The following EBF4 variants were observed in gnomAD, a reference collection of about 807,000 sequenced individuals.
EBF4 encodes the protein EBF transcription factor 4, also known as transcription factor COE4.
Under a neutral mutation model 67.1 loss-of-function variants are expected in EBF4, and 34 were observed. The observed-to-expected ratio is 0.51, with a 90% CI of 0.39 to 0.67. The LOEUF (loss-of-function observed/expected upper bound fraction) is 0.67, where lower values mean the gene tolerates loss of function less well. Among genes scored for constraint, EBF4 ranks in the 30% least tolerant of loss-of-function variants. EBF4 has a pLI of 0.00. For missense variants in EBF4, 837 were observed against 873.3 expected (o/e 0.96, Z 0.52); for synonymous variants, 387 against 377.7 (o/e 1.02, Z -0.29).
chr20:2,705,481 C>T, intron 1 of EBF4, 96 bp from the exon 2 acceptor site: 1 of 1,511,862 alleles, frequency 6.6e-7, no homozygotes, highest in South Asian at 1.2e-5. Context: ...CATCTTGGAG[C>T]CATGTCCTGG....
At chr20:2,717,620 C>G (rs994714781) in intron 6 of EBF4, among the ~76,000 whole-genome samples, 2 of 152,066 alleles carry the variant, frequency 1.3e-5, no homozygotes, top group African/African-American at 2.4e-5. Flanking sequence ...AGAAATGCAA[C>G]TATTTTTGCA....
chr20:2,699,009 T>C (rs1053587865), intron 1 of EBF4, among the ~76,000 whole-genome samples: 8 of 152,092 alleles, frequency 5.3e-5, no homozygotes, highest in African/African-American at 1.9e-4. Flanking sequence ...TGAAGAGCCG[T>C]GAGTGGCCTT....
chr20:2,750,332 A>C (rs1482547951), intron 10 of EBF4, among the ~76,000 whole-genome samples: 1 of 152,126 alleles, frequency 6.6e-6, no homozygotes, highest in Non-Finnish European at 1.5e-5. Context: ...TTTATTCCAA[A>C]GATGCCAATG....
At chr20:2,752,501 C>A in exon 14 of EBF4, 1 of 1,256,562 alleles carries the variant, frequency 8.0e-7, no homozygotes, top group South Asian at 3.2e-5. Flanking sequence ...GTGCCTGGGT[C>A]CCCCAGCTTC....
At chr20:2,701,345 C>T (rs113151487) in intron 1 of EBF4, among the ~76,000 whole-genome samples, 1 of 152,202 alleles carries the variant, frequency 6.6e-6, no homozygotes, top group African/African-American at 2.4e-5. Context: ...GGCCCAGAGA[C>T]CCCAGGGGAA....
rs1299181350 is a variant in EBF4, at chr20:2,747,327, AAAAC to A, written c.558-1220_558-1217del. Among the ~76,000 whole-genome samples the A allele has an allele frequency of 6.6e-6, 1 of 151,900 alleles. No homozygotes were observed. Among genetic ancestry groups the A allele is most frequent in the East Asian group, 1.9e-4 (1 of 5,190 alleles). On this transcript the variant is annotated intron_variant, in intron 6 of 16. Coordinates refer to ENST00000609451, the Ensembl canonical transcript of EBF4. This position sits in a 1 kb window ranked among gnomAD's most constrained non-coding sequence, Gnocchi z 4.6. The stretch of plus-strand genomic sequence containing the variant: ...AAAAAACAAAACAAACAAAAAAAAA[AAAAC>A]AGGAAAAAAAAGAGTACAACAGCCA...
rs756793562 is a variant in EBF4 at position 2,749,608 on chromosome 20, C to A, written c.758-12C>A. 53 of 1,552,732 alleles carry A rather than the reference C, an allele frequency of 3.4e-5. No homozygotes were observed. Among genetic ancestry groups the A allele is most frequent in the Non-Finnish European group, 4.4e-5 (51 of 1,148,614 alleles). On this transcript the variant is annotated splice_polypyrimidine_tract_variant and intron_variant, in intron 8 of 16. Coordinates refer to ENST00000609451, the Ensembl canonical transcript of EBF4. ...CGCGGTCCCCTGACCTGGGTCCTCTCCTGCCTCCCAGCTGCCACCCCCTGC... is the reference window on the plus strand; with the variant it reads ...CGCGGTCCCCTGACCTGGGTCCTCTACTGCCTCCCAGCTGCCACCCCCTGC...
chr20:2,755,926 G>T lies in EBF4; in HGVS notation c.1738+102G>T. On this transcript the variant is annotated intron_variant, in intron 15 of 16. Transcript: ENST00000609451. This position sits in a 1 kb window ranked among gnomAD's most constrained non-coding sequence, Gnocchi z 4.7. ...TGTCCACATCTCACCAGTGCCTCAT[G>T]CTGGCTAACCTGCTCTTCTTGGAGG... The T allele has an allele frequency of 8.4e-7, 1 of 1,187,408 alleles. No homozygotes were observed. Among genetic ancestry groups the T allele is most frequent in the South Asian group, 1.5e-5 (1 of 65,378 alleles). 73.6% of individuals were successfully genotyped at this position (1,187,408 alleles called of 1,614,324 possible). A position where few individuals can be genotyped will look rare whatever the true frequency, so the allele number is the denominator to read the frequency against.
Position 2,693,835 on chromosome 20 carries a change from C to G in EBF4, c.137+53C>G. On this transcript the variant is annotated intron_variant, in intron 1 of 16. Coordinates refer to ENST00000609451, the Ensembl canonical transcript of EBF4. The surrounding 1 kb of genome is among the most constrained non-coding windows in gnomAD (Gnocchi z 4.6). ...CTCGGGTTGGACGGCTGCGCGCCGC[C>G]TCAGCTCAGCTTGCTGGAGCTGCTG... is the stretch of plus-strand genomic sequence containing the variant. 8.0e-7 allele frequency: 1 copy of G among 1,257,158 alleles called. No individual in the cohort carries two copies. The highest frequency in any genetic ancestry group is 1.0e-6 in the Non-Finnish European group (1 of 1,000,482). The allele number at this position is 1,257,158 out of a possible 1,614,324, so 77.9% of individuals were successfully genotyped here.
chr20:2,716,252 C>G (rs1012960655), intron 6 of EBF4, among the ~76,000 whole-genome samples: 15 of 148,914 alleles, frequency 1.0e-4, no homozygotes, highest in African/African-American at 3.7e-4. Context: ...CCTTGCCAGG[C>G]GCAGTGGCTC....
chr20:2,719,422 C>T (rs2087650673), intron 6 of EBF4, among the ~76,000 whole-genome samples: 2 of 152,216 alleles, frequency 1.3e-5, no homozygotes, highest in African/African-American at 4.8e-5. Flanking sequence ...CTAAAGGTGC[C>T]CACCACCACG....
At chr20:2,727,552 A>G (rs1336039657) in intron 6 of EBF4, among the ~76,000 whole-genome samples, 3 of 152,266 alleles carry the variant, frequency 2.0e-5, no homozygotes, top group African/African-American at 7.2e-5. Context: ...GTACCCAGAC[A>G]GTTCAAACCT....
At position 2,730,994 on chromosome 20, in the gene EBF4, G is replaced by A. The variant is rs1249023189; in HGVS notation, c.558-17555G>A. ...GCTCACTGCAACCTCCACCTCCAGG[G>A]TTCAAGCAATTCTCCTGCCTCAGCC... On this transcript the variant is annotated intron_variant, in intron 6 of 16. Transcript: ENST00000609451. Among the ~76,000 whole-genome samples the A allele has an allele frequency of 2.0e-5, 3 of 152,280 alleles. No individual in the cohort carries two copies. In the East Asian group the frequency reaches 5.8e-4, roughly 29 times the overall value.
chr20:2,718,732 T>C (rs2087641912), intron 6 of EBF4, among the ~76,000 whole-genome samples: 1 of 152,222 alleles, frequency 6.6e-6, no homozygotes, highest in Non-Finnish European at 1.5e-5. Flanking sequence ...AACCAGCTTT[T>C]GGTTTCATTG....
rs531990019 is a variant in EBF4, at chr20:2,754,430, A to G, written c.1541-1197A>G. ...CAAAATGTGGCCGTGAGCCCTGGGCATTGAGAGCTATAGTACATTTTCTGG... is the reference window on the plus strand; with the variant it reads ...CAAAATGTGGCCGTGAGCCCTGGGCGTTGAGAGCTATAGTACATTTTCTGG... On this transcript the variant is annotated intron_variant, in intron 14 of 16. Transcript: ENST00000609451. Among the ~76,000 whole-genome samples the G allele has an allele frequency of 3.9e-5, 6 of 152,290 alleles. No individual in the cohort carries two copies. The South Asian group carries it at 1.2e-3, about 32-fold the overall frequency.
exon 9 of EBF4, chr20:2,749,708 C>A: frequency 6.4e-7 from 1 of 1,556,434 alleles, no homozygotes; most frequent in Non-Finnish European, 8.7e-7. Context: ...ACAACTTCTT[C>A]GACGGGTTGC....
intron 10 of EBF4, 62 bp downstream of exon 10, chr20:2,750,035 C>G: frequency 6.7e-7 from 1 of 1,492,334 alleles, no homozygotes; most frequent in South Asian, 1.3e-5. Flanking sequence ...ACCCTGCGCA[C>G]TGGTCTCCGT....
In EBF4 at chr20:2,706,100, C is replaced by G. The variant is rs1025069985; in HGVS notation, c.358+63C>G. 2.6e-6 allele frequency: 4 copies of G among 1,545,944 alleles called. No homozygotes were observed. In the African/African-American group the frequency reaches 4.1e-5, roughly 16 times the overall value. ...GAAGTCTGGGCACTGCAGCATCATG[C>G]GACACCTAATGCCCCCTGTGCCAGG... On this transcript the variant is annotated intron_variant, in intron 3 of 16. Transcript: ENST00000609451.
Position 2,751,940 on chromosome 20 carries a change from G to A in EBF4, c.1126G>A (p.Ala376Thr), listed in dbSNP as rs2088154451. 1.9e-6 allele frequency: 3 copies of A among 1,549,194 alleles called. No homozygotes were observed. The East Asian group carries it at 7.3e-5, about 38-fold the overall frequency. Residue 376 changes from alanine (A) to threonine (T), a missense_variant, in exon 12 of 17, where the codon GCG (alanine) becomes ACG (threonine). Transcript: ENST00000609451. This position sits in a 1 kb window ranked among gnomAD's most constrained non-coding sequence, Gnocchi z 5.2. ...TCCCCAGGAAGTGCTGCTGAAGCGG[G>A]CGGCCGACTTGGCAGAAGCCCTGTA...
Sources: gnomAD v4.1 joint callset for allele counts (sites outside exome capture counted in the v4.1 genomes callset) on GRCh38, gnomAD v4.1.1 for gene constraint, Gnocchi (gnomAD v3.1) non-coding constraint, MANE v1.5 for transcripts, NCBI Gene and HGNC (gene_info 2026-07-23, HGNC 2026-07-21) for gene names.